The following TBRG4 variants were observed in gnomAD, a reference collection of about 807,000 sequenced individuals.
TBRG4 encodes the protein transforming growth factor beta regulator 4.
In TBRG4, 43 loss-of-function variants were observed where a neutral mutation model predicts 65.6. The observed-to-expected ratio is 0.66, with a 90% CI of 0.51 to 0.85. TBRG4 has a LOEUF of 0.85. TBRG4 is among the 40% of genes least tolerant of loss of function. The pLI, the probability that TBRG4 is intolerant of heterozygous loss-of-function variation, is 0.00. For missense variants in TBRG4, 709 were observed against 787.9 expected, an observed-to-expected ratio of 0.90 and a Z score of 1.20; for synonymous variants, 366 against 341.4, an observed-to-expected ratio of 1.07 and a Z score of -0.79.
In TBRG4 at chr7:45,104,633, C is replaced by A; in HGVS notation, c.812G>T (p.Arg271Leu). 2 of 1,613,902 alleles carry A rather than the reference C, an allele frequency of 1.2e-6. No homozygotes were observed. The highest frequency in any genetic ancestry group is 1.7e-6 in the Non-Finnish European group (2 of 1,180,034). Residue 271 changes from arginine (R) to leucine (L), a missense_variant, in exon 4 of 11, where the codon CGG (arginine) becomes CTG (leucine). Arg to Leu is a moderately radical substitution (Grantham distance 102). Transcript: ENST00000258770. ...GATGGCCCGCAGCAAGGGCACGGAC[C>A]GCCGGCTCTGAGCTGCCAGCATCAC... ...VLVMLAAQSR[R>L]SVPLLRAISY... is the part of the protein sequence containing the mutation.
rs759208879 is a variant in TBRG4 at position 45,105,452 on chromosome 7, G to A, written c.724C>T (p.Leu242=). The A allele has an allele frequency of 3.1e-6, 5 of 1,601,164 alleles. No homozygotes were observed. The highest frequency in any genetic ancestry group is 4.3e-6 in the Non-Finnish European group (5 of 1,171,892). ...TTCAGGCCCAGTACCTTGTCTTCCA[G>A]GCGGTTCATTAGTGGCTCCGAGAGG... ...GHLSEPLMNR[L]EDKCLELVEH... The change falls in exon 3 of 11, where the codon CTG becomes TTG. Residue 242 remains leucine, a synonymous_variant. Coordinates refer to ENST00000258770, the MANE Select transcript of TBRG4 (RefSeq NM_004749.4).
chr7:45,101,956 G>C lies in TBRG4; in HGVS notation c.1436C>G (p.Ala479Gly), dbSNP rs749519079. The change falls in exon 8 of 11, where the codon GCC becomes GGC. Residue 479 changes from alanine to glycine, a missense_variant. Ala to Gly is a moderately conservative substitution (Grantham distance 60). Coordinates refer to ENST00000258770, the MANE Select transcript of TBRG4 (RefSeq NM_004749.4). ...SGPLLPASAV[A>G]PGPSALDRKV... ...CCTGTCAAGGGCTGAGGGCCCAGGG[G>C]CCACAGCCGAGGCAGGCAGAAGGGG... 5.0e-6 allele frequency: 8 copies of C among 1,597,464 alleles called. No individual in the cohort carries two copies. In the South Asian group the frequency reaches 8.9e-5, roughly 18 times the overall value.
intron 2 of TBRG4, 189 bp from the exon 3 acceptor site, chr7:45,105,953 C>T (rs749115976): frequency 4.3e-5 from 36 of 835,312 alleles, no homozygotes; most frequent in African/African-American, 2.2e-4. Context: ...TGCTCAGCCT[C>T]GAGGCCTAGA....
rs1784879563 is a variant in TBRG4 at position 45,104,632 on chromosome 7, C to G, written c.813G>C (p.Arg271=). 1 of 1,613,926 alleles carries G rather than the reference C, an allele frequency of 6.2e-7. No individual in the cohort carries two copies. Among genetic ancestry groups the G allele is most frequent in the African/African-American group, 1.3e-5 (1 of 75,064 alleles). ...AGATGGCCCGCAGCAAGGGCACGGA[C>G]CGCCGGCTCTGAGCTGCCAGCATCA... ...VLVMLAAQSR[R]SVPLLRAISY... Residue 271 remains arginine (R), a synonymous_variant, in exon 4 of 11, where the codon CGG becomes CGC. Coordinates refer to ENST00000258770, the MANE Select transcript of TBRG4 (RefSeq NM_004749.4).
chr7:45,104,508 T>G, intron 4 of TBRG4, 30 bp downstream of exon 4: 1 of 1,613,552 alleles, frequency 6.2e-7, no homozygotes, highest in Non-Finnish European at 8.5e-7. Context: ...AGCGCTCCCC[T>G]CTCTCCACCG....
rs1349802952 is a variant in TBRG4 at position 45,103,438 on chromosome 7, G to A, written c.1071C>T (p.Val357=). 3 of 1,612,452 alleles carry A rather than the reference G, an allele frequency of 1.9e-6. No individual in the cohort carries two copies. Among genetic ancestry groups the A allele is most frequent in the Non-Finnish European group, 2.5e-6 (3 of 1,179,256 alleles). ...LPLFEAFAQH[V]LNRAQDITLP... ...GGGTGATGTCCTGCGCTCTGTTCAG[G>A]ACGTGCTGGGTGGGTCAGAAATAGC... Residue 357 remains valine, a synonymous_variant, in exon 6 of 11, where the codon GTC becomes GTT. Coordinates refer to ENST00000258770, the MANE Select transcript of TBRG4 (RefSeq NM_004749.4).
At position 45,101,964 on chromosome 7, in the gene TBRG4, C is replaced by T. The variant is rs746252266; in HGVS notation, c.1428G>A (p.Ser476=). The stretch of plus-strand genomic sequence containing the variant: ...GGGCTGAGGGCCCAGGGGCCACAGC[C>T]GAGGCAGGCAGAAGGGGACCCGAGT... The part of the protein sequence containing the change: ...PEYSGPLLPA[S]AVAPGPSALD... The change falls in exon 8 of 11, where the codon TCG becomes TCA. Residue 476 remains serine, a synonymous_variant. Coordinates refer to ENST00000258770, the MANE Select transcript of TBRG4 (RefSeq NM_004749.4). 71 of 1,591,600 alleles carry T rather than the reference C, an allele frequency of 4.5e-5. No individual in the cohort carries two copies. The Admixed American group carries it at 5.4e-4, about 12-fold the overall frequency.
chr7:45,107,492 G>C (rs1287116924), intron 2 of TBRG4: 2 of 152,190 alleles, frequency 1.3e-5, no homozygotes, highest in Non-Finnish European at 2.9e-5. Flanking sequence ...CCTTTCCTGG[G>C]CCAAGTCTCT....
chr7:45,101,327 G>A lies in TBRG4; in HGVS notation c.1725C>T (p.Ser575=). ...RWEFPNFNSR[S]KDLLGRFVLA... is the part of the protein sequence containing the mutation. Reference sequence around the variant, plus strand: ...GAACAAAGCGACCCAGCAAGTCCTTGCTTCGGCTGTTGAAGTTGGGGAACT... The same window carrying A: ...GAACAAAGCGACCCAGCAAGTCCTTACTTCGGCTGTTGAAGTTGGGGAACT... Residue 575 remains serine, a synonymous_variant, in exon 10 of 11, where the codon AGC becomes AGT. Transcript: ENST00000258770. The A allele has an allele frequency of 6.2e-7, 1 of 1,614,056 alleles. No individual in the cohort carries two copies. The highest frequency in any genetic ancestry group is 8.5e-7 in the Non-Finnish European group (1 of 1,180,022).
At chr7:45,103,526 A>G in intron 5 of TBRG4, 83 bp from the exon 6 acceptor site, 1 of 1,149,480 alleles carries the variant, frequency 8.7e-7, no homozygotes, top group Non-Finnish European at 1.3e-6. Context: ...GAGTCTGAGG[A>G]GAGCCTGCAT....
intron 5 of TBRG4, 148 bp from the exon 6 acceptor site, chr7:45,103,591 C>A (rs1584027513): frequency 1.6e-6 from 1 of 645,042 alleles, no homozygotes; most frequent in Non-Finnish European, 2.8e-6. Context: ...GTGTCGGGAA[C>A]AGAGAAGGAC....
At chr7:45,103,628 C>T in intron 5 of TBRG4, 185 bp from the exon 6 acceptor site, 1 of 582,652 alleles carries the variant, frequency 1.7e-6, no homozygotes, top group Non-Finnish European at 3.1e-6. Flanking sequence ...ACTCCTTCGC[C>T]TGGCAGCAAC....
At chr7:45,106,463 A>C (rs1490449826) in intron 2 of TBRG4, 5 of 159,240 alleles carry the variant, frequency 3.1e-5, no homozygotes, top group Admixed American at 6.0e-5. Context: ...GGTGGCACTT[A>C]CGCTTGCTAA....
In TBRG4 at chr7:45,104,638, GCT is replaced by G. The variant is rs1341638748; in HGVS notation, c.805_806del (p.Ser269ProfsTer62). On this transcript the variant is annotated frameshift_variant, in exon 4 of 11. Transcript: ENST00000258770. LOFTEE classifies it high-confidence loss of function. ...CCCGCAGCAAGGGCACGGACCGCCGGCTCTGAGCTGCCAGCATCACCAGCACC... is the reference window on the plus strand; with the variant it reads ...CCCGCAGCAAGGGCACGGACCGCCGGCTGAGCTGCCAGCATCACCAGCACC... Reference protein sequence around the residue: ...RKVLVMLAAQSRRSVPLLRAI... With the variant: ...RKVLVMLAAQXRRSVPLLRAI... 1 of 1,613,818 alleles carries G rather than the reference GCT, an allele frequency of 6.2e-7. No homozygotes were observed. The highest frequency in any genetic ancestry group is 8.5e-7 in the Non-Finnish European group (1 of 1,180,048).
chr7:45,105,618 G>A lies in TBRG4; in HGVS notation c.558C>T (p.Phe186=), dbSNP rs202183594. ...AGAGGGTGGCACAGGACTCTGCCAG[G>A]AAGGCCAGGTGCTTGTACTTGAGCT... is the stretch of plus-strand genomic sequence containing the variant. ...MRKLKYKHLA[F]LAESCATLSQ... The change falls in exon 3 of 11, where the codon TTC becomes TTT. Residue 186 remains phenylalanine (F), a synonymous_variant. Coordinates refer to ENST00000258770, the MANE Select transcript of TBRG4 (RefSeq NM_004749.4). 6.2e-7 allele frequency: 1 copy of A among 1,614,148 alleles called. No individual in the cohort carries two copies. The highest frequency in any genetic ancestry group is 2.2e-5 in the East Asian group (1 of 44,886).
At chr7:45,110,493 C>A (rs987796555) in intron 1 of TBRG4, among the ~76,000 whole-genome samples, 1 of 152,092 alleles carries the variant, frequency 6.6e-6, no homozygotes, top group Admixed American at 6.6e-5. Context: ...GGTGAAACAC[C>A]GTCTCTACTA....
intron 1 of TBRG4, 132 bp downstream of exon 1, chr7:45,111,511 G>T: frequency 1.8e-6 from 2 of 1,095,570 alleles, no homozygotes; most frequent in Non-Finnish European, 2.4e-6. Context: ...AGACGGCCAG[G>T]CCCACGGCAT....
At chr7:45,105,378 C>T in intron 3 of TBRG4, 63 bp downstream of exon 3, 3 of 1,524,120 alleles carry the variant, frequency 2.0e-6, no homozygotes, top group Non-Finnish European at 2.6e-6. Flanking sequence ...AACTGTCACC[C>T]AAAGAACAAG....
intron 1 of TBRG4, among the ~76,000 whole-genome samples, chr7:45,109,703 G>A (rs891739922): frequency 7.9e-5 from 12 of 152,198 alleles, no homozygotes; most frequent in African/African-American, 2.4e-4. Context: ...TTGGCCAGGC[G>A]TGGTGGCTCA....
Sources: gnomAD v4.1 joint callset for allele counts (sites outside exome capture counted in the v4.1 genomes callset) on GRCh38, gnomAD v4.1.1 for gene constraint, MANE v1.5 for transcripts, NCBI Gene and HGNC (gene_info 2026-07-23, HGNC 2026-07-21) for gene names.